IBTK: variants seen among roughly 807,000 people sequenced by gnomAD.
IBTK encodes BTK-binding protein.
IBTK carries 83 observed loss-of-function variants against 154.9 expected under a neutral mutation model. That is an observed-to-expected ratio of 0.54 (90% CI 0.45 to 0.64). The LOEUF (loss-of-function observed/expected upper bound fraction) is 0.64. Among genes scored for constraint, IBTK ranks in the 30% least tolerant of loss-of-function variants. The pLI is 0.00. For synonymous variants in IBTK, 515 were observed against 536.1 expected (o/e 0.96, Z 0.54); for missense variants, 1,332 against 1,584.6 (o/e 0.84, Z 2.71).
chr6:82,220,634 C>A lies in IBTK; in HGVS notation c.1204G>T (p.Gly402Trp). The change falls in exon 9 of 29, where the codon GGG becomes TGG. Residue 402 changes from glycine to tryptophan, a missense_variant. Gly to Trp is a radical substitution (Grantham distance 184, BLOSUM62 -2). Coordinates refer to ENST00000306270, the MANE Select transcript of IBTK (RefSeq NM_015525.4). ...KVDPEHLKEN[G>W]GQKICILAMD... is the part of the protein sequence containing the mutation. ...GCAAGAATGCAAATTTTTTGACCCCCATTTTCTTTCAAATGTTCAGGATCA... is the reference window on the plus strand; with the variant it reads ...GCAAGAATGCAAATTTTTTGACCCCAATTTTCTTTCAAATGTTCAGGATCA... The A allele has an allele frequency of 1.2e-6, 2 of 1,612,092 alleles. No homozygotes were observed. The highest frequency in any genetic ancestry group is 1.1e-5 in the South Asian group (1 of 90,800).
At chr6:82,177,936 A>G (rs1038998277) in intron 26 of IBTK, among the ~76,000 whole-genome samples, 4 of 152,356 alleles carry the variant, frequency 2.6e-5, no homozygotes, top group African/African-American at 9.6e-5. Context: ...GACACATTAA[A>G]GGCTGCACCT....
chr6:82,173,552 A>G, intron 26 of IBTK, 114 bp from the exon 27 acceptor site: 1 of 711,212 alleles, frequency 1.4e-6, no homozygotes, highest in Non-Finnish European at 2.4e-6. Flanking sequence ...GGCAAATTAA[A>G]TGAGTGCAGT....
intron 26 of IBTK, among the ~76,000 whole-genome samples, chr6:82,176,029 CAA>C (rs1050552534): frequency 1.3e-4 from 15 of 119,466 alleles, no homozygotes; most frequent in Admixed American, 5.2e-4. Context: ...AACTCCATCT[CAA>C]AAAAAAAAAA....
Position 82,191,069 on chromosome 6 carries a change from A to T in IBTK, c.3575+4T>A. The T allele has an allele frequency of 6.6e-7, 1 of 1,525,782 alleles. No individual in the cohort carries two copies. The highest frequency in any genetic ancestry group is 1.4e-5 in the African/African-American group (1 of 71,712). The allele number at this position is 1,525,782 out of a possible 1,614,324, so 94.5% of individuals were successfully genotyped here. A position where few individuals can be genotyped will look rare whatever the true frequency, so the allele number is the denominator to read the frequency against. ...TATTAATTTTAATAAAAATAAGAGC[A>T]TACCATGCATTCACTGGTTTGGGGG... On this transcript the variant is annotated splice_donor_region_variant and intron_variant, in intron 25 of 28. Transcript: ENST00000306270.
At chr6:82,246,246 T>G (rs895678451) in intron 1 of IBTK, among the ~76,000 whole-genome samples, 1 of 152,048 alleles carries the variant, frequency 6.6e-6, no homozygotes, top group Non-Finnish European at 1.5e-5. Flanking sequence ...CAAAAGCAGT[T>G]TGGTAGGGCA....
Position 82,221,250 on chromosome 6 carries a change from G to A in IBTK, c.1125-537C>T, listed in dbSNP as rs150175535. Among the ~76,000 whole-genome samples, 74 of 152,256 alleles carry A rather than the reference G, an allele frequency of 4.9e-4. 1 individual carries two copies. The highest frequency in any genetic ancestry group is 1.7e-3 in the African/African-American group (72 of 41,556). ...GAGGGAGAAGAATCACTTGAACCTA[G>A]GAGGCAGAGGTTGCAGTGAGCAGAG... On this transcript the variant is annotated intron_variant, in intron 8 of 28. Coordinates refer to ENST00000306270, the MANE Select transcript of IBTK (RefSeq NM_015525.4).
chr6:82,171,535 C>A lies in IBTK; in HGVS notation c.3952G>T (p.Asp1318Tyr), dbSNP rs755458338. ...AATGCCTCATAGAAAACCAATAAAT[C>A]TTGTATGGCATGCTCCTCAATCTGA... ...LIQIEEHAIQDLLVFYEAFGN... is the reference protein window; with the variant it reads ...LIQIEEHAIQYLLVFYEAFGN... Residue 1318 changes from aspartate to tyrosine, a missense_variant, in exon 29 of 29, where the codon GAT (aspartate) becomes TAT (tyrosine). By Grantham distance (160) the Asp-to-Tyr change is radical (BLOSUM62 -3). This residue lies in a region of IBTK where 1,134 missense variants were observed against 1,274.7 expected (regional missense o/e 0.89). Coordinates refer to ENST00000306270, the MANE Select transcript of IBTK (RefSeq NM_015525.4). The A allele has an allele frequency of 6.2e-7, 1 of 1,606,126 alleles. No homozygotes were observed. The highest frequency in any genetic ancestry group is 1.1e-5 in the South Asian group (1 of 90,228).
chr6:82,234,876 G>A (rs1255013268), intron 2 of IBTK, among the ~76,000 whole-genome samples: 3 of 150,804 alleles, frequency 2.0e-5, no homozygotes, highest in East Asian at 4.0e-4. Context: ...TTTTTTGCAG[G>A]GGGGACGGAA....
intron 8 of IBTK, among the ~76,000 whole-genome samples, chr6:82,221,929 C>T (rs1454460203): frequency 1.3e-5 from 2 of 152,086 alleles, no homozygotes; most frequent in Non-Finnish European, 2.9e-5. Context: ...TTTTGGGAGG[C>T]CAAGGTGGGC....
chr6:82,180,025 C>CACCATAGGCAGGGGCTAATTTGTTG, intron 26 of IBTK, among the ~76,000 whole-genome samples: 1 of 152,082 alleles, frequency 6.6e-6, no homozygotes, highest in South Asian at 2.1e-4. Flanking sequence ...CTAATTTGTT[C>CACCATAGGCAGGGGCTAATTTGTTG]ACCATAGGCA....
intron 23 of IBTK, 99 bp from the exon 24 acceptor site, chr6:82,191,978 T>G: frequency 1.5e-6 from 1 of 650,440 alleles, no homozygotes. Context: ...AGATTAATAA[T>G]CAGAGTATAA....
At chr6:82,207,325 T>G (rs1269615433) in intron 16 of IBTK, among the ~76,000 whole-genome samples, 1 of 152,090 alleles carries the variant, frequency 6.6e-6, no homozygotes, top group Non-Finnish European at 1.5e-5. Context: ...TTAAAAAAAT[T>G]TCCATTTAAA....
At chr6:82,203,126 T>G (rs1405173415) in intron 17 of IBTK, among the ~76,000 whole-genome samples, 1 of 152,090 alleles carries the variant, frequency 6.6e-6, no homozygotes, top group Non-Finnish European at 1.5e-5. Context: ...TGTGGGTGTA[T>G]ATATATACAT....
chr6:82,225,673 T>C, intron 5 of IBTK, 26 bp from the exon 6 acceptor site: 3 of 1,549,008 alleles, frequency 1.9e-6, no homozygotes, highest in South Asian at 2.3e-5. Context: ...AACTTTAGTA[T>C]ACTACATTAA....
intron 10 of IBTK, among the ~76,000 whole-genome samples, 176 bp downstream of exon 10, chr6:82,217,784 T>C (rs1011343752): frequency 5.3e-5 from 8 of 152,284 alleles, no homozygotes; most frequent in South Asian, 2.1e-4. Flanking sequence ...CGAATATTCA[T>C]GGCCCTTGCC....
chr6:82,222,032 A>T (rs2127819656), intron 8 of IBTK, among the ~76,000 whole-genome samples: 1 of 152,164 alleles, frequency 6.6e-6, no homozygotes, highest in East Asian at 1.9e-4. Context: ...GCTGGGCATG[A>T]TGGCAGATGC....
chr6:82,227,607 T>C (rs1330121016), intron 4 of IBTK, among the ~76,000 whole-genome samples: 2 of 152,034 alleles, frequency 1.3e-5, no homozygotes, highest in Non-Finnish European at 2.9e-5. Flanking sequence ...ATTCCAAAAA[T>C]TAGTAGCCAG....
At chr6:82,220,824 G>C in intron 8 of IBTK, 111 bp from the exon 9 acceptor site, 1 of 888,934 alleles carries the variant, frequency 1.1e-6, no homozygotes, top group Non-Finnish European at 1.6e-6. Context: ...TATTGTGAAG[G>C]TGAAGTAAAA....
chr6:82,175,986 G>T (rs559198414), intron 26 of IBTK, among the ~76,000 whole-genome samples: 1 of 151,200 alleles, frequency 6.6e-6, no homozygotes, highest in South Asian at 2.1e-4. Context: ...CTGAGATCAA[G>T]CCATTGCACT....
Sources: allele counts gnomAD v4.1 joint callset (sites outside exome capture counted in the v4.1 genomes callset), GRCh38; gene constraint gnomAD v4.1.1; regional missense constraint gnomAD v4.1.1; transcripts MANE v1.5; gene names NCBI Gene and HGNC (gene_info 2026-07-23, HGNC 2026-07-21).